The following SCN7A variants were observed in gnomAD, a reference collection of about 807,000 sequenced individuals.
SCN7A encodes the protein sodium channel protein type 7 subunit alpha.
SCN7A carries 138 observed loss-of-function variants against 155.2 expected under a neutral mutation model. That is an observed-to-expected ratio of 0.89 (90% CI 0.77 to 1.02). The LOEUF (loss-of-function observed/expected upper bound fraction) is 1.02, where lower values mean the gene tolerates loss of function less well. Ranked by LOEUF, SCN7A falls within the 50% of genes least tolerant of loss-of-function variation. The probability of loss-of-function intolerance (pLI) is 0.00; values close to 1 mark genes in which losing one functional copy is unlikely to be tolerated. For missense variants in SCN7A, 2,058 were observed against 1,986.6 expected, an observed-to-expected ratio of 1.04 and a Z score of -0.68; for synonymous variants, 693 against 649.0, an observed-to-expected ratio of 1.07 and a Z score of -1.03.
intron 22 of SCN7A, 99 bp downstream of exon 22, chr2:166,412,969 A>G: frequency 2.1e-6 from 2 of 938,712 alleles, no homozygotes; most frequent in South Asian, 1.6e-5. Flanking sequence ...TCTGAACTGC[A>G]TTTGATTTCT....
At chr2:166,457,178 A>G (rs972914157) in intron 10 of SCN7A, 102 bp from the exon 11 acceptor site, 16 of 758,342 alleles carry the variant, frequency 2.1e-5, no homozygotes, top group Non-Finnish European at 2.9e-5. Flanking sequence ...GGAAAATAAT[A>G]TAGTCATAAA....
In SCN7A at chr2:166,432,411, T is replaced by A; in HGVS notation, c.2499A>T (p.Ser833=). The change falls in exon 16 of 26, where the codon TCA becomes TCT. Residue 833 remains serine (S), a synonymous_variant. Transcript: ENST00000643258. ...SQSLIPSPSV[S]ETVPIASGES... The stretch of plus-strand genomic sequence containing the variant: ...CTCCTGAAGCAATTGGTACAGTTTC[T>A]GAGACACTAGGACTGGGGATAAGTG... 6.2e-7 allele frequency: 1 copy of A among 1,613,514 alleles called. No homozygotes were observed. The highest frequency in any genetic ancestry group is 1.1e-5 in the South Asian group (1 of 91,066).
In SCN7A at chr2:166,416,994, T is replaced by G; in HGVS notation, c.3136-9A>C. On this transcript the variant is annotated splice_polypyrimidine_tract_variant and intron_variant, in intron 20 of 25. Transcript: ENST00000643258. Reference sequence around the variant, plus strand: ...AAAGCTCTCACAACCACCTGGTATATATAAAAAATGTAAACTTTAGATAGG... The same window carrying G: ...AAAGCTCTCACAACCACCTGGTATAGATAAAAAATGTAAACTTTAGATAGG... 1 of 1,548,700 alleles carries G rather than the reference T, an allele frequency of 6.5e-7. No homozygotes were observed. Among genetic ancestry groups the G allele is most frequent in the Non-Finnish European group, 8.7e-7 (1 of 1,148,694 alleles).
chr2:166,441,384 T>C lies in SCN7A; in HGVS notation c.2157+12A>G. The C allele has an allele frequency of 6.5e-7, 1 of 1,540,476 alleles. No individual in the cohort carries two copies. Among genetic ancestry groups the C allele is most frequent in the Non-Finnish European group, 8.8e-7 (1 of 1,137,254 alleles). ...AGTTTTCATGGAAAATGTAAAAGAA[T>C]TGACTACTTACCAGTAAATTTCCAA... On this transcript the variant is annotated intron_variant, in intron 15 of 25. Transcript: ENST00000643258.
rs1701236650 is a variant in SCN7A at position 166,413,098 on chromosome 2, A to T, written c.3438T>A (p.Thr1146=). 6.5e-7 allele frequency: 1 copy of T among 1,537,080 alleles called. No homozygotes were observed. Among genetic ancestry groups the T allele is most frequent in the South Asian group, 1.2e-5 (1 of 80,672 alleles). ...LQVATFNGWI[T]IMNSAIDSVA... The stretch of plus-strand genomic sequence containing the variant: ...CAGAATCAATTGCTGAATTCATAAT[A>T]GTGATCCATCCATTAAATGTTGCCT... The change falls in exon 22 of 26, where the codon ACT becomes ACA. Residue 1146 remains threonine, a synonymous_variant. Coordinates refer to ENST00000643258, the MANE Select transcript of SCN7A (RefSeq NM_002976.4).
Position 166,423,336 on chromosome 2 carries a change from G to A in SCN7A, c.2950C>T (p.Leu984Phe). The A allele has an allele frequency of 3.7e-6, 6 of 1,612,100 alleles. No homozygotes were observed. The highest frequency in any genetic ancestry group is 5.1e-6 in the Non-Finnish European group (6 of 1,179,066). ...IFTYIFILEM[L>F]LKWMAYGFKA... is the part of the protein sequence containing the mutation. ...AAACCATATGCCATCCATTTTAGAA[G>A]CATTTCCAGAATGAAGATATAAGTA... is the stretch of plus-strand genomic sequence containing the variant. The change falls in exon 19 of 26, where the codon CTT becomes TTT. Residue 984 changes from leucine to phenylalanine, a missense_variant. Coordinates refer to ENST00000643258, the MANE Select transcript of SCN7A (RefSeq NM_002976.4).
intron 6 of SCN7A, among the ~76,000 whole-genome samples, 188 bp downstream of exon 6, chr2:166,472,129 A>T (rs763988809): frequency 3.3e-5 from 5 of 149,440 alleles, no homozygotes; most frequent in Non-Finnish European, 5.9e-5. Context: ...CACTCCTTTC[A>T]TTCTTATTGC....
At chr2:166,479,683 CA>C (rs377033204) in intron 2 of SCN7A, among the ~76,000 whole-genome samples, 1 of 151,058 alleles carries the variant, frequency 6.6e-6, no homozygotes, top group Non-Finnish European at 1.5e-5. Flanking sequence ...ACATATGTCT[CA>C]AAAAAAAGGT....
At chr2:166,472,914 C>G (rs369180448) in intron 5 of SCN7A, among the ~76,000 whole-genome samples, 3 of 151,704 alleles carry the variant, frequency 2.0e-5, no homozygotes, top group East Asian at 1.9e-4. Context: ...TTAGCAAACA[C>G]AGAAATGGAA....
In SCN7A at chr2:166,456,855, GAT is replaced by G. The variant is rs1702293293; in HGVS notation, c.1290+13_1290+14del. 3 of 1,321,912 alleles carry G rather than the reference GAT, an allele frequency of 2.3e-6. No homozygotes were observed. The highest frequency in any genetic ancestry group is 3.2e-6 in the Non-Finnish European group (3 of 946,386). The allele number at this position is 1,321,912 out of a possible 1,614,324, so 81.9% of individuals were successfully genotyped here. ...AGATAGATAGATAGATAGATAGATA[GAT>G]AGATATAGATACCTCATCTGTTTCA... On this transcript the variant is annotated intron_variant, in intron 11 of 25. Transcript: ENST00000643258.
At chr2:166,407,727 T>G (rs1283139493) in intron 25 of SCN7A, among the ~76,000 whole-genome samples, 2 of 151,974 alleles carry the variant, frequency 1.3e-5, no homozygotes, top group African/African-American at 4.8e-5. Context: ...TGGGGGGAAG[T>G]TCTTTTTTTA....
At position 166,441,749 on chromosome 2, in the gene SCN7A, TTAAC is replaced by T; in HGVS notation, c.1801-1_1803del. The stretch of plus-strand genomic sequence containing the variant: ...CAATACTTTCCCAACTTGAAAATTC[TTAAC>T]TAATAGAGCAATGTAAAATCAAGAA... On this transcript the variant is annotated splice_acceptor_variant and coding_sequence_variant, in exon 15 of 26. Coordinates refer to ENST00000643258, the MANE Select transcript of SCN7A (RefSeq NM_002976.4). LOFTEE classifies it high-confidence loss of function. The T allele has an allele frequency of 1.3e-6, 2 of 1,596,824 alleles. No individual in the cohort carries two copies. The highest frequency in any genetic ancestry group is 1.1e-5 in the South Asian group (1 of 87,780).
intron 10 of SCN7A, among the ~76,000 whole-genome samples, chr2:166,457,791 A>G (rs1919179): frequency 0.18 from 28,070 of 152,182 alleles, 3,277 homozygotes; most frequent in Non-Finnish European, 0.25. Flanking sequence ...TTAAAAAATT[A>G]TAAGTATAAC....
At chr2:166,492,556 C>G (rs143368636) in intron 1 of SCN7A, among the ~76,000 whole-genome samples, 1 of 152,132 alleles carries the variant, frequency 6.6e-6, no homozygotes, top group African/African-American at 2.4e-5. Context: ...ATATGCAAAG[C>G]TAGCCAAAGC....
At chr2:166,447,500 TAA>T in intron 12 of SCN7A, 110 bp downstream of exon 12, 2 of 640,944 alleles carry the variant, frequency 3.1e-6, no homozygotes, top group South Asian at 4.6e-5. Flanking sequence ...AAATATTTCT[TAA>T]ATTTTTGTTA....
At chr2:166,441,334 T>C in intron 15 of SCN7A, 62 bp downstream of exon 15, 2 of 1,221,268 alleles carry the variant, frequency 1.6e-6, no homozygotes, top group Non-Finnish European at 2.3e-6. Flanking sequence ...ATGCACATCA[T>C]GAAAATACCA....
At chr2:166,417,938 C>T (rs542693797) in intron 20 of SCN7A, among the ~76,000 whole-genome samples, 1 of 151,580 alleles carries the variant, frequency 6.6e-6, no homozygotes, top group Non-Finnish European at 1.5e-5. Flanking sequence ...CAGCAATAAT[C>T]TATAATCACT....
chr2:166,486,234 C>CT (rs1703044811), intron 2 of SCN7A, among the ~76,000 whole-genome samples: 1 of 152,116 alleles, frequency 6.6e-6, no homozygotes, highest in African/African-American at 2.4e-5. Flanking sequence ...TTCATTGTTG[C>CT]CAGCTTCTCC....
At chr2:166,459,135 A>C (rs1483829746) in intron 10 of SCN7A, among the ~76,000 whole-genome samples, 1 of 152,142 alleles carries the variant, frequency 6.6e-6, no homozygotes, top group African/African-American at 2.4e-5. Flanking sequence ...ATATTATTTC[A>C]ATATACAGAA....
Sources: gnomAD v4.1 joint callset for allele counts (sites outside exome capture counted in the v4.1 genomes callset) on GRCh38, gnomAD v4.1.1 for gene constraint, MANE v1.5 for transcripts, NCBI Gene and HGNC (gene_info 2026-07-23, HGNC 2026-07-21) for gene names.